Variants in GABRB3 observed in about 807,000 individuals in gnomAD.
GABRB3 encodes the protein gamma-aminobutyric acid type A receptor subunit beta3, also known as gamma-aminobutyric acid receptor subunit beta-3.
Under a neutral mutation model 52.1 loss-of-function variants are expected in GABRB3, and 14 were observed. That is an observed-to-expected ratio of 0.27 (90% confidence interval 0.18 to 0.42). The LOEUF is 0.42. GABRB3 is among the 10% of genes least tolerant of loss of function. GABRB3 has a pLI of 1.00. For synonymous variants in GABRB3, 260 were observed against 232.3 expected (o/e 1.12, Z -1.08); for missense variants, 307 against 609.1 (o/e 0.50, Z 5.22).
intron 3 of GABRB3, among the ~76,000 whole-genome samples, chr15:26,714,682 C>T (rs753938337): frequency 6.6e-6 from 1 of 152,196 alleles, no homozygotes; most frequent in Admixed American, 6.5e-5. Context: ...GAATGGGAGG[C>T]AGGTTGACCC....
intron 3 of GABRB3, among the ~76,000 whole-genome samples, chr15:26,756,735 G>A (rs1481326706): frequency 6.6e-6 from 1 of 152,052 alleles, no homozygotes; most frequent in Non-Finnish European, 1.5e-5. Context: ...TACAGATCAT[G>A]TATAGAGTTC....
intron 3 of GABRB3, among the ~76,000 whole-genome samples, chr15:26,705,241 G>A (rs868525914): frequency 7.2e-5 from 11 of 152,158 alleles, no homozygotes; most frequent in African/African-American, 2.7e-4. Flanking sequence ...AAGGCAGAAG[G>A]GTAAGAGGGA....
At chr15:26,572,625 T>C (rs1890449325) in intron 6 of GABRB3, among the ~76,000 whole-genome samples, 1 of 152,218 alleles carries the variant, frequency 6.6e-6, no homozygotes. Context: ...ATATGCGGTA[T>C]CTATGTGGAA....
chr15:26,690,790 A>G lies in GABRB3; in HGVS notation c.241-69256T>C, dbSNP rs539747842. On this transcript the variant is annotated intron_variant, in intron 3 of 8. Coordinates refer to ENST00000311550, the MANE Select transcript of GABRB3 (RefSeq NM_000814.6). ...ATTGACTCCAAATCATGCCATGTTT[A>G]TGGTAATTAATGACAGGTTTTGCAT... Among the ~76,000 whole-genome samples, 6 of 150,988 alleles carry G rather than the reference A, an allele frequency of 4.0e-5. 1 individual carries two copies. In the South Asian group the frequency reaches 1.3e-3, roughly 33 times the overall value.
At chr15:26,593,350 A>AT (rs1250908060) in intron 4 of GABRB3, among the ~76,000 whole-genome samples, 1 of 152,210 alleles carries the variant, frequency 6.6e-6, no homozygotes, top group African/African-American at 2.4e-5. Flanking sequence ...CATTTTAGTG[A>AT]TTTTTAAGTA....
At chr15:26,730,227 G>C (rs1258435606) in intron 3 of GABRB3, among the ~76,000 whole-genome samples, 3 of 152,106 alleles carry the variant, frequency 2.0e-5, no homozygotes, top group Admixed American at 6.5e-5. Context: ...GTTGCCCCTG[G>C]ATTAATTGAA....
chr15:26,719,716 G>A (rs185295028), intron 3 of GABRB3, among the ~76,000 whole-genome samples: 1 of 152,286 alleles, frequency 6.6e-6, no homozygotes, highest in East Asian at 1.9e-4. Context: ...ACACAGCTAT[G>A]CTAAGAATGG....
At chr15:26,771,740 A>G (rs1394299839) in intron 3 of GABRB3, 1 of 152,300 alleles carries the variant, frequency 6.6e-6, no homozygotes, top group African/African-American at 2.4e-5. Flanking sequence ...CTGTGTCACC[A>G]GCCTCCGACT....
At chr15:26,639,288 T>TA (rs1893136353) in intron 3 of GABRB3, among the ~76,000 whole-genome samples, 1 of 150,518 alleles carries the variant, frequency 6.6e-6, no homozygotes, top group Non-Finnish European at 1.5e-5. Context: ...AGACCCCCTG[T>TA]ATCTGTGAAT....
At chr15:26,658,376 C>T (rs1887439226) in intron 3 of GABRB3, 1 of 152,202 alleles carries the variant, frequency 6.6e-6, no homozygotes, top group African/African-American at 2.4e-5. Context: ...TCTTTCTCTA[C>T]TGCAATTTCT....
intron 3 of GABRB3, among the ~76,000 whole-genome samples, chr15:26,651,900 C>T (rs115889950): frequency 6.6e-6 from 1 of 152,194 alleles, no homozygotes; most frequent in Non-Finnish European, 1.5e-5. Context: ...CACAAAGCCA[C>T]CTTTTGTGGG....
intron 3 of GABRB3, among the ~76,000 whole-genome samples, chr15:26,630,022 C>T (rs551863793): frequency 6.6e-6 from 1 of 152,164 alleles, no homozygotes; most frequent in South Asian, 2.1e-4. Flanking sequence ...CCTGGCACCC[C>T]GCAACCCTCC....
intron 3 of GABRB3, among the ~76,000 whole-genome samples, chr15:26,717,174 G>C (rs61422088): frequency 4.0e-5 from 5 of 124,184 alleles, no homozygotes; most frequent in Admixed American, 3.2e-4. Context: ...CCCAGCTCTG[G>C]GGACCTCCAC....
intron 3 of GABRB3, among the ~76,000 whole-genome samples, chr15:26,689,866 G>C (rs1271960716): frequency 6.6e-6 from 1 of 152,118 alleles, no homozygotes; most frequent in Non-Finnish European, 1.5e-5. Flanking sequence ...GCAAGGGAGG[G>C]ACGATAACGA....
At position 26,772,476 on chromosome 15, in the gene GABRB3, G is replaced by C. The variant is rs960366680; in HGVS notation, c.173-7C>G. The C allele has an allele frequency of 6.8e-6, 11 of 1,609,850 alleles. No individual in the cohort carries two copies. Among genetic ancestry groups the C allele is most frequent in the Non-Finnish European group, 9.3e-6 (11 of 1,178,132 alleles). The stretch of plus-strand genomic sequence containing the variant: ...CCCACGCAGACCGGGGGACCTGCGG[G>C]AAGCACAGGACACGGCGATCAGCCC... On this transcript the variant is annotated splice_region_variant and splice_polypyrimidine_tract_variant and intron_variant, in intron 2 of 8. Coordinates refer to ENST00000311550, the MANE Select transcript of GABRB3 (RefSeq NM_000814.6).
At chr15:26,700,907 T>C (rs1002399800) in intron 3 of GABRB3, among the ~76,000 whole-genome samples, 1 of 151,956 alleles carries the variant, frequency 6.6e-6, no homozygotes, top group South Asian at 2.1e-4. Context: ...TACAAAAAAT[T>C]AGCCAGGCGT....
chr15:26,554,207 A>ATATATATT (rs1348288306), intron 8 of GABRB3, among the ~76,000 whole-genome samples: 5 of 57,832 alleles, frequency 8.6e-5, no homozygotes, highest in Admixed American at 2.4e-4. Context: ...ATATATATAT[A>ATATATATT]TAGTAGAAAC....
At chr15:26,711,449 A>C (rs1654541802) in intron 3 of GABRB3, among the ~76,000 whole-genome samples, 1 of 124,070 alleles carries the variant, frequency 8.1e-6, no homozygotes, top group Admixed American at 8.3e-5. Flanking sequence ...GCATATTCTA[A>C]ATCCACTGCT....
chr15:26,548,671 T>C (rs1416534853), intron 8 of GABRB3, among the ~76,000 whole-genome samples: 1 of 152,106 alleles, frequency 6.6e-6, no homozygotes, highest in Non-Finnish European at 1.5e-5. Context: ...TCAGGTAGGC[T>C]CTCCTTGCCC....
Sources: gnomAD v4.1 joint callset for allele counts (sites outside exome capture counted in the v4.1 genomes callset) on GRCh38, gnomAD v4.1.1 for gene constraint, MANE v1.5 for transcripts, NCBI Gene and HGNC (gene_info 2026-07-23, HGNC 2026-07-21) for gene names.